The following STARD13 variants were observed in gnomAD, a reference collection of about 807,000 sequenced individuals.
STARD13 encodes StAR related lipid transfer domain containing 13.
STARD13 carries 62 observed loss-of-function variants against 106.4 expected under a neutral mutation model. The observed-to-expected ratio is 0.58, with a 90% CI of 0.48 to 0.72. The LOEUF is 0.72. Among genes scored for constraint, STARD13 ranks in the 30% least tolerant of loss-of-function variants. The pLI is 0.00. For synonymous variants in STARD13, 565 were observed against 553.0 expected (o/e 1.02, Z -0.31); for missense variants, 1,387 against 1,424.0 (o/e 0.97, Z 0.42).
the STARD13 span, among the ~76,000 whole-genome samples, chr13:33,635,156 CT>C: frequency 1.3e-5 from 2 of 152,272 alleles, no homozygotes; most frequent in South Asian, 4.1e-4. Context: ...TCAGAGAAAC[CT>C]TTTAAAGTGC....
chr13:33,118,362 C>T, intron 7 of STARD13, 99 bp from the exon 8 acceptor site: 1 of 948,970 alleles, frequency 1.1e-6, no homozygotes, highest in Non-Finnish European at 1.7e-6. Flanking sequence ...GAATTGCCTC[C>T]CAATTAGTAC....
chr13:33,445,171 G>C, the STARD13 span, among the ~76,000 whole-genome samples: 1 of 152,072 alleles, frequency 6.6e-6, no homozygotes, highest in Non-Finnish European at 1.5e-5. Flanking sequence ...TTCAACACCT[G>C]CTGCTCCTGA....
intron 1 of STARD13, among the ~76,000 whole-genome samples, chr13:33,204,033 C>A (rs1030204629): frequency 2.6e-5 from 4 of 152,184 alleles, no homozygotes; most frequent in Admixed American, 1.3e-4. Flanking sequence ...CAAAATTAGG[C>A]AGCATAAAGG....
chr13:33,331,214 A>G (rs1594271803), intron 1 of STARD13, among the ~76,000 whole-genome samples: 1 of 152,086 alleles, frequency 6.6e-6, no homozygotes, highest in Admixed American at 6.5e-5. Context: ...TGCTCCGTGC[A>G]TCTGTTTCTT....
chr13:33,263,907 G>C (rs1310248432), intron 1 of STARD13, among the ~76,000 whole-genome samples: 1 of 152,174 alleles, frequency 6.6e-6, no homozygotes, highest in African/African-American at 2.4e-5. Context: ...TCTTGAACCT[G>C]AGCAGACCTT....
At chr13:33,398,435 C>A in the STARD13 span, among the ~76,000 whole-genome samples, 1 of 152,154 alleles carries the variant, frequency 6.6e-6, no homozygotes, top group South Asian at 2.1e-4. Flanking sequence ...AAAACATGAA[C>A]TATATGGAAA....
At chr13:33,604,315 G>A in the STARD13 span, among the ~76,000 whole-genome samples, 2 of 152,154 alleles carry the variant, frequency 1.3e-5, no homozygotes, top group African/African-American at 4.8e-5. Flanking sequence ...TCAGATTCAT[G>A]TAGTACAATT....
At chr13:33,663,800 ACT>A in the STARD13 span, among the ~76,000 whole-genome samples, 4 of 152,088 alleles carry the variant, frequency 2.6e-5, no homozygotes, top group Non-Finnish European at 4.4e-5. Context: ...GGGTTAGGAC[ACT>A]CTCAGAGTTT....
chr13:33,248,886 A>T (rs1353080750), intron 1 of STARD13, among the ~76,000 whole-genome samples: 1 of 152,210 alleles, frequency 6.6e-6, no homozygotes, highest in Non-Finnish European at 1.5e-5. Context: ...CAAGTTGAAC[A>T]TATCATCTAG....
chr13:33,270,992 T>C (rs1891132315), intron 1 of STARD13, among the ~76,000 whole-genome samples: 1 of 152,190 alleles, frequency 6.6e-6, no homozygotes, highest in African/African-American at 2.4e-5. Context: ...AATCTCTTTA[T>C]GTAAATAGCA....
At chr13:33,438,889 T>C in the STARD13 span, among the ~76,000 whole-genome samples, 9 of 152,320 alleles carry the variant, frequency 5.9e-5, no homozygotes, top group South Asian at 2.1e-4. Flanking sequence ...AGACTATTGC[T>C]TTTAGAGGCA....
At chr13:33,397,939 G>A in the STARD13 span, among the ~76,000 whole-genome samples, 1 of 152,130 alleles carries the variant, frequency 6.6e-6, no homozygotes, top group Non-Finnish European at 1.5e-5. Flanking sequence ...AGCTAAACAC[G>A]ACCCAAAGGT....
At chr13:33,669,769 C>A in the STARD13 span, among the ~76,000 whole-genome samples, 83 of 151,866 alleles carry the variant, frequency 5.5e-4, no homozygotes, top group African/African-American at 1.9e-3. Flanking sequence ...CTCCTGACCT[C>A]GTGATCCACC....
chr13:33,211,178 A>G (rs946488867), intron 1 of STARD13, among the ~76,000 whole-genome samples: 2 of 151,202 alleles, frequency 1.3e-5, no homozygotes, highest in African/African-American at 4.8e-5. Flanking sequence ...TCTTTAATAT[A>G]TTATTTTAAA....
At chr13:33,672,131 T>A in the STARD13 span, among the ~76,000 whole-genome samples, 1 of 152,186 alleles carries the variant, frequency 6.6e-6, no homozygotes, top group East Asian at 1.9e-4. Flanking sequence ...TGCCCATCAA[T>A]GATAGACTGG....
At chr13:33,648,783 C>CTTTTTTTTTTTTTTT in the STARD13 span, among the ~76,000 whole-genome samples, 1 of 77,010 alleles carries the variant, frequency 1.3e-5, no homozygotes, top group Non-Finnish European at 2.4e-5. Context: ...TTTTCTCTTT[C>CTTTTTTTTTTTTTTT]TTTTTTTTTT....
chr13:33,427,044 T>C, the STARD13 span, among the ~76,000 whole-genome samples: 1 of 152,254 alleles, frequency 6.6e-6, no homozygotes, highest in East Asian at 1.9e-4. Context: ...CTAATTATTA[T>C]CAATAATAAC....
intron 3 of STARD13, among the ~76,000 whole-genome samples, chr13:33,152,642 C>G (rs1445102911): frequency 5.9e-5 from 9 of 152,188 alleles, no homozygotes; most frequent in Admixed American, 5.9e-4. Flanking sequence ...TACTCATCCC[C>G]TACCCACCAT....
chr13:33,526,133 T>G, the STARD13 span, among the ~76,000 whole-genome samples: 2 of 152,164 alleles, frequency 1.3e-5, no homozygotes, highest in African/African-American at 4.8e-5. Flanking sequence ...TGTACTTTTT[T>G]TTTTTACAGG....
Sources: allele counts gnomAD v4.1 joint callset (sites outside exome capture counted in the v4.1 genomes callset), GRCh38; gene constraint gnomAD v4.1.1; transcripts MANE v1.5; gene names NCBI Gene and HGNC (gene_info 2026-07-23, HGNC 2026-07-21).